BMPR1B: variants seen among roughly 807,000 people sequenced by gnomAD.
BMPR1B encodes bone morphogenetic protein receptor type 1B.
A neutral mutation model predicts 59.1 loss-of-function variants in BMPR1B; 12 were observed. That is an observed-to-expected ratio of 0.20 (90% CI 0.13 to 0.33). The LOEUF is 0.33. BMPR1B is among the 10% of genes least tolerant of loss of function. BMPR1B has a pLI of 1.00. For missense variants in BMPR1B, 550 were observed against 610.9 expected (o/e 0.90, Z 1.05); for synonymous variants, 237 against 207.3 (o/e 1.14, Z -1.23).
At position 94,868,208 on chromosome 4, in the gene BMPR1B, A is replaced by C. The variant is rs142279955; in HGVS notation, c.-182-7623A>C. Among the ~76,000 whole-genome samples the C allele has an allele frequency of 3.8e-3, 568 of 150,200 alleles. 4 individuals are homozygous for C. Among genetic ancestry groups the C allele is most frequent in the African/African-American group, 0.013 (534 of 40,682 alleles). On this transcript the variant is annotated intron_variant, in intron 1 of 12. Transcript: ENST00000515059. ...TTTTGAGACGGGGTCTCACTCAGTC[A>C]CCCAGACAGGAGTGCAGTGGGGTGA...
intron 2 of BMPR1B, among the ~76,000 whole-genome samples, chr4:94,987,693 C>T (rs923176121): frequency 6.6e-6 from 1 of 152,004 alleles, no homozygotes; most frequent in African/African-American, 2.4e-5. Context: ...TTTTTGACCC[C>T]CCCTCGAAAG....
chr4:95,136,122 A>G (rs1733761863), intron 10 of BMPR1B, among the ~76,000 whole-genome samples: 1 of 152,160 alleles, frequency 6.6e-6, no homozygotes. Flanking sequence ...TGAGATGATC[A>G]TGTGGTTTTT....
intron 3 of BMPR1B, among the ~76,000 whole-genome samples, chr4:95,092,399 A>G (rs918434237): frequency 1.3e-5 from 2 of 152,090 alleles, no homozygotes; most frequent in African/African-American, 4.8e-5. Context: ...TCTTTGGTTT[A>G]CAGTTTGTTC....
intron 1 of BMPR1B, among the ~76,000 whole-genome samples, chr4:94,778,848 C>T (rs944374782): frequency 1.3e-5 from 2 of 151,770 alleles, no homozygotes; most frequent in African/African-American, 4.8e-5. Flanking sequence ...CTGTTCATAT[C>T]TTTTGCTGAT....
chr4:95,042,575 C>T (rs564835356), intron 3 of BMPR1B, among the ~76,000 whole-genome samples: 1 of 152,198 alleles, frequency 6.6e-6, no homozygotes, highest in African/African-American at 2.4e-5. Flanking sequence ...TCTTTGAAAT[C>T]CAAAGCAGTT....
chr4:95,010,625 C>T (rs1345908729), intron 3 of BMPR1B, among the ~76,000 whole-genome samples: 1 of 152,174 alleles, frequency 6.6e-6, no homozygotes, highest in Non-Finnish European at 1.5e-5. Context: ...GTTAGTTCTT[C>T]CCTTAGACTA....
chr4:94,938,393 G>A (rs922459721), intron 2 of BMPR1B, among the ~76,000 whole-genome samples: 2 of 152,076 alleles, frequency 1.3e-5, no homozygotes, highest in African/African-American at 4.8e-5. Flanking sequence ...TACTTGGGAG[G>A]CTGAGGCAGG....
chr4:95,091,612 C>A, intron 3 of BMPR1B: 1 of 985,112 alleles, frequency 1.0e-6, no homozygotes, highest in Non-Finnish European at 1.2e-6. Flanking sequence ...ATATATCAAG[C>A]GTACAGAAAT....
At chr4:94,783,817 A>G (rs1722669214) in intron 1 of BMPR1B, among the ~76,000 whole-genome samples, 1 of 152,154 alleles carries the variant, frequency 6.6e-6, no homozygotes, top group Non-Finnish European at 1.5e-5. Context: ...CCACTTGGCC[A>G]TGCTCACCAG....
chr4:94,945,635 G>T (rs564186401), intron 2 of BMPR1B, among the ~76,000 whole-genome samples: 1 of 152,074 alleles, frequency 6.6e-6, no homozygotes. Flanking sequence ...AGGTCTCACC[G>T]TGTTGCCCAG....
At chr4:94,832,185 G>C (rs144708151) in intron 1 of BMPR1B, among the ~76,000 whole-genome samples, 1 of 152,116 alleles carries the variant, frequency 6.6e-6, no homozygotes, top group Non-Finnish European at 1.5e-5. Context: ...GTGCCAAAAA[G>C]GTTGAGAACC....
chr4:94,989,208 G>C (rs577756937), intron 2 of BMPR1B, among the ~76,000 whole-genome samples: 1 of 151,926 alleles, frequency 6.6e-6, no homozygotes, highest in African/African-American at 2.4e-5. Context: ...GGCCAACATT[G>C]TGAAACCCCG....
chr4:94,773,005 C>A (rs1281768916), intron 1 of BMPR1B, among the ~76,000 whole-genome samples: 2 of 152,122 alleles, frequency 1.3e-5, no homozygotes, highest in Non-Finnish European at 1.5e-5. Context: ...TTTGTGTTCT[C>A]ATTTCTCAGG....
chr4:94,912,789 C>G (rs913058220), intron 2 of BMPR1B, among the ~76,000 whole-genome samples: 4 of 152,112 alleles, frequency 2.6e-5, no homozygotes, highest in African/African-American at 9.7e-5. Context: ...GGGCACTTTT[C>G]TCTCTTCAGC....
chr4:94,793,048 G>A (rs13106939), intron 1 of BMPR1B, among the ~76,000 whole-genome samples: 47,644 of 151,264 alleles, frequency 0.31, 8,076 homozygotes, highest in African/African-American at 0.44. Context: ...TTAAGTTTTA[G>A]GGTACATGTG....
At chr4:94,845,700 ATTTC>A (rs1725296913) in intron 1 of BMPR1B, among the ~76,000 whole-genome samples, 1 of 152,292 alleles carries the variant, frequency 6.6e-6, no homozygotes, top group Admixed American at 6.5e-5. Flanking sequence ...AGAAATACCT[ATTTC>A]TTTCAGTCAC....
intron 1 of BMPR1B, among the ~76,000 whole-genome samples, chr4:94,804,530 C>A (rs1723534464): frequency 6.7e-6 from 1 of 150,216 alleles, no homozygotes; most frequent in South Asian, 2.1e-4. Context: ...TTAGAGCCTA[C>A]AACCAAAGAG....
At chr4:94,984,612 A>T (rs1473450892) in intron 2 of BMPR1B, among the ~76,000 whole-genome samples, 1 of 152,228 alleles carries the variant, frequency 6.6e-6, no homozygotes, top group African/African-American at 2.4e-5. Context: ...AAGGACAGTC[A>T]TACAGTTGAA....
At chr4:94,992,542 A>G (rs1210091246) in intron 2 of BMPR1B, among the ~76,000 whole-genome samples, 4 of 152,216 alleles carry the variant, frequency 2.6e-5, no homozygotes, top group Non-Finnish European at 4.4e-5. Flanking sequence ...AAACATAACC[A>G]TCTGCCAATG....
Sources: allele counts gnomAD v4.1 joint callset (sites outside exome capture counted in the v4.1 genomes callset), GRCh38; gene constraint gnomAD v4.1.1; transcripts MANE v1.5; gene names NCBI Gene and HGNC (gene_info 2026-07-23, HGNC 2026-07-21).